The following IBTK variants were observed in gnomAD, a reference collection of about 807,000 sequenced individuals.
IBTK encodes the protein BTK-binding protein.
A neutral mutation model predicts 154.9 loss-of-function variants in IBTK; 83 were observed. That is an observed-to-expected ratio of 0.54 (90% confidence interval 0.45 to 0.64). IBTK has a LOEUF of 0.64. Ranked by LOEUF, IBTK falls within the 30% of genes least tolerant of loss-of-function variation. IBTK has a pLI of 0.00. For missense variants in IBTK, 1,332 were observed against 1,584.6 expected (o/e 0.84, Z 2.71); for synonymous variants, 515 against 536.1 (o/e 0.96, Z 0.54).
chr6:82,244,745 C>G (rs901491159), intron 1 of IBTK, among the ~76,000 whole-genome samples: 1 of 152,054 alleles, frequency 6.6e-6, no homozygotes, highest in African/African-American at 2.4e-5. Flanking sequence ...GGGAAGAAAG[C>G]AAAGGAAATA....
rs116320128 is a variant in IBTK at position 82,202,413 on chromosome 6, A to C, written c.2729+115T>G. 1,020 of 693,786 alleles carry C rather than the reference A, an allele frequency of 1.5e-3. 13 individuals carry two copies. The African/African-American group carries it at 0.017, about 12-fold the overall frequency. 43.0% of individuals were successfully genotyped at this position (693,786 alleles called of 1,614,324 possible). A position where few individuals can be genotyped will look rare whatever the true frequency, so the allele number is the denominator to read the frequency against. Reference sequence around the variant, plus strand: ...ACTTCTAAATCATCAGCATTGATCAAATTCTTTCCATCCAGGTAAACATCA... The same window carrying C: ...ACTTCTAAATCATCAGCATTGATCACATTCTTTCCATCCAGGTAAACATCA... On this transcript the variant is annotated intron_variant, in intron 18 of 28. Coordinates refer to ENST00000306270, the MANE Select transcript of IBTK (RefSeq NM_015525.4).
intron 27 of IBTK, 48 bp from the exon 28 acceptor site, chr6:82,172,560 C>T: frequency 6.4e-7 from 1 of 1,556,080 alleles, no homozygotes; most frequent in Non-Finnish European, 8.7e-7. Context: ...TAAATTTTTG[C>T]ATGCAAAATT....
intron 2 of IBTK, among the ~76,000 whole-genome samples, chr6:82,236,712 T>C (rs1359708007): frequency 6.6e-6 from 1 of 152,240 alleles, no homozygotes; most frequent in Non-Finnish European, 1.5e-5. Flanking sequence ...TTCATTAAAA[T>C]GTGTGTGGTT....
At chr6:82,180,787 T>C (rs1012380481) in intron 26 of IBTK, among the ~76,000 whole-genome samples, 1 of 152,208 alleles carries the variant, frequency 6.6e-6, no homozygotes, top group Non-Finnish European at 1.5e-5. Context: ...TCAGAAGACT[T>C]TGATAGTTCC....
At chr6:82,230,709 C>A (rs1470111997) in intron 4 of IBTK, among the ~76,000 whole-genome samples, 1 of 152,064 alleles carries the variant, frequency 6.6e-6, no homozygotes, top group African/African-American at 2.4e-5. Flanking sequence ...TGAAAGAATA[C>A]CCACAGTACA....
chr6:82,192,006 T>G, intron 23 of IBTK, 127 bp from the exon 24 acceptor site: 1 of 576,558 alleles, frequency 1.7e-6, no homozygotes, highest in Non-Finnish European at 3.1e-6. Context: ...TTATCAGCTG[T>G]GAGCCAGTTT....
chr6:82,202,492 T>A (rs986404192), intron 18 of IBTK, 36 bp downstream of exon 18: 3 of 1,101,212 alleles, frequency 2.7e-6, no homozygotes, highest in Non-Finnish European at 4.2e-6. Context: ...AATATCTCCT[T>A]TTGCAACAAT....
rs1768905434 is a variant in IBTK, at chr6:82,194,509, C to T, written c.3308G>A (p.Ser1103Asn). The T allele has an allele frequency of 6.3e-7, 1 of 1,597,110 alleles. No homozygotes were observed. Among genetic ancestry groups the T allele is most frequent in the African/African-American group, 1.3e-5 (1 of 74,444 alleles). Residue 1103 changes from serine (S) to asparagine (N), a missense_variant, in exon 23 of 29, where the codon AGC becomes AAC. Around this residue, in one of 3 missense-constraint regions of IBTK, gnomAD observed 1,134 missense variants for 1,274.7 expected, o/e 0.89. Transcript: ENST00000306270. The stretch of plus-strand genomic sequence containing the variant: ...AGAACCAGCAACCCAACTGGCAGAG[C>T]TGGTAGTATCAATTCTGTTACTGGG... ...PIPSNRIDTT[S>N]SASWVAGSFS...
At chr6:82,196,585 T>C (rs1414112459) in intron 21 of IBTK, 139 bp from the exon 22 acceptor site, 1 of 460,958 alleles carries the variant, frequency 2.2e-6, no homozygotes, top group African/African-American at 2.0e-5. Context: ...TATAAAAATC[T>C]TAATAATTCA....
rs1049063050 is a variant in IBTK, at chr6:82,199,287, C to A, written c.3025+854G>T. Reference sequence around the variant, plus strand: ...TGTAACACATGGAGGAAAGAGGAGACAGTAAGCAACAAAGAGTCTGCAAGA... The same window carrying A: ...TGTAACACATGGAGGAAAGAGGAGAAAGTAAGCAACAAAGAGTCTGCAAGA... On this transcript the variant is annotated intron_variant, in intron 21 of 28. Transcript: ENST00000306270. 5.9e-5 allele frequency among the ~76,000 whole-genome samples: 9 copies of A among 151,728 alleles called. No individual in the cohort carries two copies. In the East Asian group the frequency reaches 1.5e-3, roughly 26 times the overall value.
At chr6:82,207,922 A>T (rs1388949945) in intron 16 of IBTK, among the ~76,000 whole-genome samples, 1 of 152,162 alleles carries the variant, frequency 6.6e-6, no homozygotes, top group Non-Finnish European at 1.5e-5. Flanking sequence ...AATACAAAAA[A>T]TAACTTAATA....
chr6:82,173,443 A>G lies in IBTK; in HGVS notation c.3726-5T>C, dbSNP rs1214079570. The G allele has an allele frequency of 1.4e-5, 23 of 1,611,202 alleles. No homozygotes were observed. Among genetic ancestry groups the G allele is most frequent in the Non-Finnish European group, 1.8e-5 (21 of 1,177,762 alleles). On this transcript the variant is annotated splice_polypyrimidine_tract_variant and splice_region_variant and intron_variant, in intron 26 of 28. Coordinates refer to ENST00000306270, the MANE Select transcript of IBTK (RefSeq NM_015525.4). ...GGGGTACCATGGGTAGAGCATCTGC[A>G]AAACAAATGCCAAAATTAAAGATTA...
At chr6:82,244,924 A>G (rs934940224) in intron 1 of IBTK, among the ~76,000 whole-genome samples, 13 of 152,124 alleles carry the variant, frequency 8.5e-5, no homozygotes, top group Non-Finnish European at 5.9e-5. Context: ...CAGCGCATCC[A>G]TAGTAGGTCA....
At chr6:82,172,261 T>C in intron 28 of IBTK, 119 bp downstream of exon 28, 2 of 973,500 alleles carry the variant, frequency 2.1e-6, no homozygotes, top group South Asian at 1.9e-5. Flanking sequence ...ACCTGGCATT[T>C]ACATTTTAAT....
chr6:82,206,700 C>T (rs143821933), intron 16 of IBTK, among the ~76,000 whole-genome samples: 94 of 152,070 alleles, frequency 6.2e-4, no homozygotes, highest in Admixed American at 1.8e-3. Flanking sequence ...CCTCAAAAAA[C>T]GCTAAGAAAC....
intron 22 of IBTK, 69 bp from the exon 23 acceptor site, chr6:82,194,711 T>C (rs918858680): frequency 4.1e-6 from 4 of 971,662 alleles, no homozygotes; most frequent in Non-Finnish European, 4.2e-6. Flanking sequence ...TAGCTGGTAC[T>C]TAATAAATAT....
intron 19 of IBTK, 38 bp downstream of exon 19, chr6:82,201,384 A>C: frequency 4.1e-6 from 6 of 1,470,374 alleles, no homozygotes; most frequent in Non-Finnish European, 5.7e-6. Context: ...TAAGCTGGTA[A>C]TATTATAGCC....
chr6:82,239,371 A>AGGC (rs1175211424), intron 2 of IBTK, among the ~76,000 whole-genome samples: 5 of 152,080 alleles, frequency 3.3e-5, no homozygotes, highest in African/African-American at 1.2e-4. Flanking sequence ...TGAACCCGGG[A>AGGC]GGCGGAGCTT....
intron 1 of IBTK, among the ~76,000 whole-genome samples, chr6:82,241,751 T>C (rs943665672): frequency 4.6e-5 from 7 of 152,216 alleles, no homozygotes; most frequent in Non-Finnish European, 1.0e-4. Context: ...GGAGAAAAAT[T>C]TGCCTCAATA....
Sources: gnomAD v4.1 joint callset for allele counts (sites outside exome capture counted in the v4.1 genomes callset) on GRCh38, gnomAD v4.1.1 for gene constraint, gnomAD v4.1.1 regional missense constraint, MANE v1.5 for transcripts, NCBI Gene and HGNC (gene_info 2026-07-23, HGNC 2026-07-21) for gene names.